Variants in NEB observed in about 807,000 individuals in gnomAD.
NEB encodes the protein nebulin.
In NEB, 512 loss-of-function variants were observed where a neutral mutation model predicts 952.2. The observed-to-expected ratio is 0.54, with a 90% CI of 0.50 to 0.58. The LOEUF (loss-of-function observed/expected upper bound fraction) is 0.58. Among genes scored for constraint, NEB ranks in the 20% least tolerant of loss-of-function variants. NEB has a pLI of 0.00. For synonymous variants in NEB, 2,900 were observed against 3,149.8 expected, an observed-to-expected ratio of 0.92 and a Z score of 2.66; for missense variants, 8,428 against 9,231.1, an observed-to-expected ratio of 0.91 and a Z score of 3.56.
intron 54 of NEB, among the ~76,000 whole-genome samples, chr2:151,646,837 A>G (rs2154124524): frequency 6.6e-6 from 1 of 152,242 alleles, no homozygotes; most frequent in South Asian, 2.1e-4. Flanking sequence ...TTTAGTAGAA[A>G]CAGGGTTTCG....
chr2:151,708,357 G>A (rs1269495373), intron 12 of NEB, among the ~76,000 whole-genome samples: 3 of 152,010 alleles, frequency 2.0e-5, no homozygotes, highest in African/African-American at 7.3e-5. Context: ...TCCTCTCTAA[G>A]CAGACTCCAC....
intron 65 of NEB, among the ~76,000 whole-genome samples, chr2:151,632,775 G>A (rs191941623): frequency 1.5e-4 from 23 of 151,772 alleles, no homozygotes; most frequent in African/African-American, 2.2e-4. Flanking sequence ...AGGTCATATC[G>A]CAGGGTGAGG....
chr2:151,663,960 G>T, intron 44 of NEB, 101 bp from the exon 45 acceptor site: 1 of 1,236,066 alleles, frequency 8.1e-7, no homozygotes, highest in Non-Finnish European at 1.1e-6. Context: ...GGGTTTTAGA[G>T]CTACTCTAAA....
At chr2:151,734,095 CA>C (rs2099815698) in intron 1 of NEB, among the ~76,000 whole-genome samples, 2 of 152,306 alleles carry the variant, frequency 1.3e-5, no homozygotes, top group Middle Eastern at 3.4e-3. Flanking sequence ...GAACGTAGAG[CA>C]GCGTATCTTC....
chr2:151,728,190 A>C (rs1475426413), intron 4 of NEB, among the ~76,000 whole-genome samples: 2 of 152,204 alleles, frequency 1.3e-5, no homozygotes, highest in Non-Finnish European at 2.9e-5. Context: ...ACACTCGAAC[A>C]CTTCAAAGTA....
chr2:151,668,505 T>C (rs1465764742), intron 39 of NEB, among the ~76,000 whole-genome samples: 1 of 152,212 alleles, frequency 6.6e-6, no homozygotes, highest in African/African-American at 2.4e-5. Flanking sequence ...ATCCAAGTTT[T>C]ATTATGTTTT....
Position 151,569,458 on chromosome 2 carries a change from A to G in NEB, c.17431-86T>C, listed in dbSNP as rs1008941235. On this transcript the variant is annotated intron_variant, in intron 109 of 181. Transcript: ENST00000397345. ...TCCATTGGTCTCATGAAGAAATACA[A>G]TGTAAATGCTATATAAGCCAAGGAG... 3.2e-5 allele frequency: 32 copies of G among 1,013,152 alleles called. 1 individual carries two copies. The highest frequency in any genetic ancestry group is 4.7e-5 in the Non-Finnish European group (30 of 636,332). 62.8% of individuals were successfully genotyped at this position (1,013,152 alleles called of 1,614,324 possible).
At chr2:151,560,829 T>G in intron 123 of NEB, 130 bp from the exon 124 acceptor site, 1 of 776,302 alleles carries the variant, frequency 1.3e-6, no homozygotes, top group Non-Finnish European at 2.1e-6. Context: ...CTCTTTAAGG[T>G]GGGGCTTATT....
intron 153 of NEB, among the ~76,000 whole-genome samples, chr2:151,522,344 C>G (rs758907144): frequency 2.6e-5 from 4 of 152,096 alleles, no homozygotes; most frequent in Admixed American, 2.6e-4. Flanking sequence ...AAATACCAAT[C>G]TTCAGTATAT....
Position 151,519,047 on chromosome 2 carries a change from T to A in NEB, c.22613A>T (p.Lys7538Met), listed in dbSNP as rs377497238. 11 of 1,612,830 alleles carry A rather than the reference T, an allele frequency of 6.8e-6. No individual in the cohort carries two copies. The Admixed American group carries it at 1.8e-4, about 27-fold the overall frequency. Reference sequence around the variant, plus strand: ...GTCAGTCACGGGTTTGTGAAGTTTCTTCAGGTCAGCCTTGTATTTAACCTG... The same window carrying A: ...GTCAGTCACGGGTTTGTGAAGTTTCATCAGGTCAGCCTTGTATTTAACCTG... ...ASEVKYKADL[K>M]KLHKPVTDMK... Residue 7538 changes from lysine (K) to methionine (M), a missense_variant, in exon 155 of 182, where the codon AAG (lysine) becomes ATG (methionine). Coordinates refer to ENST00000397345, the MANE Select transcript of NEB (RefSeq NM_001164508.2).
chr2:151,654,997 AT>A (rs1275238252), intron 51 of NEB, among the ~76,000 whole-genome samples: 3 of 151,832 alleles, frequency 2.0e-5, no homozygotes, highest in Non-Finnish European at 4.4e-5. Context: ...GTTTGATGCA[AT>A]TTTTTTTCAA....
intron 124 of NEB, among the ~76,000 whole-genome samples, chr2:151,556,307 C>T (rs1438606439): frequency 1.3e-5 from 2 of 152,154 alleles, no homozygotes; most frequent in African/African-American, 4.8e-5. Context: ...TGCACTGTCT[C>T]TAGTCTAGCA....
intron 79 of NEB, 31 bp from the exon 80 acceptor site, chr2:151,610,654 AAG>A (rs2097914427): frequency 6.3e-7 from 1 of 1,587,324 alleles, no homozygotes; most frequent in Non-Finnish European, 8.7e-7. Context: ...GACAGAAAAT[AAG>A]AGTGTTTGAG....
At position 151,625,550 on chromosome 2, in the gene NEB, T is replaced by C; in HGVS notation, c.10436A>G (p.Lys3479Arg). The C allele has an allele frequency of 6.3e-7, 1 of 1,598,302 alleles. No homozygotes were observed. Among genetic ancestry groups the C allele is most frequent in the Non-Finnish European group, 8.6e-7 (1 of 1,168,368 alleles). ...TPEIMLARQNKINYSESLYRQ... is the reference protein window; with the variant it reads ...TPEIMLARQNRINYSESLYRQ... Reference sequence around the variant, plus strand: ...TGATCTTACCTCACTATAATTTATTTTATTTTGTCTTGCCAACATGATTTC... The same window carrying C: ...TGATCTTACCTCACTATAATTTATTCTATTTTGTCTTGCCAACATGATTTC... The change falls in exon 71 of 182, where the codon AAA (lysine) becomes AGA (arginine). Residue 3479 changes from lysine (K) to arginine (R), a missense_variant. Lys to Arg is a conservative substitution (Grantham distance 26, BLOSUM62 2). This residue lies in a region of NEB where 1,772 missense variants were observed against 1,960.3 expected (regional missense o/e 0.90). Coordinates refer to ENST00000397345, the MANE Select transcript of NEB (RefSeq NM_001164508.2).
intron 20 of NEB, 27 bp downstream of exon 20, chr2:151,694,296 A>G (rs1192195304): frequency 1.3e-6 from 2 of 1,586,880 alleles, no homozygotes; most frequent in Non-Finnish European, 1.7e-6. Context: ...ACGTCTGAAA[A>G]TAGGGGTGAA....
intron 154 of NEB, among the ~76,000 whole-genome samples, chr2:151,519,281 A>T (rs2080309185): frequency 6.6e-6 from 1 of 152,232 alleles, no homozygotes; most frequent in Non-Finnish European, 1.5e-5. Context: ...ATACAATGGA[A>T]TATTATTTAG....
At chr2:151,498,234 T>A in intron 170 of NEB, 26 bp downstream of exon 170, 3 of 1,550,412 alleles carry the variant, frequency 1.9e-6, no homozygotes, top group Non-Finnish European at 2.6e-6. Flanking sequence ...TTAAGTGGCA[T>A]TTTTTCCCCT....
intron 76 of NEB, 124 bp from the exon 77 acceptor site, chr2:151,614,711 T>A: frequency 8.6e-7 from 1 of 1,161,548 alleles, no homozygotes; most frequent in Non-Finnish European, 1.2e-6. Flanking sequence ...AAAGTGAGTA[T>A]CATCAACCCT....
chr2:151,614,583 T>C lies in NEB; in HGVS notation c.11294A>G (p.Lys3765Arg). ...CTGTTTGCGGTAGCCTTCCTTGTACTTGTACTAAAAAAATAGAGATATGAG... is the reference window on the plus strand; with the variant it reads ...CTGTTTGCGGTAGCCTTCCTTGTACCTGTACTAAAAAAATAGAGATATGAG... ...KASRDIASDY[K>R]YKEGYRKQLG... Residue 3765 changes from lysine (K) to arginine (R), a missense_variant, in exon 77 of 182, where the codon AAG becomes AGG. This residue lies in a region of NEB where 1,772 missense variants were observed against 1,960.3 expected (regional missense o/e 0.90). Coordinates refer to ENST00000397345, the MANE Select transcript of NEB (RefSeq NM_001164508.2). 3.7e-6 allele frequency: 6 copies of C among 1,611,642 alleles called. No individual in the cohort carries two copies. The highest frequency in any genetic ancestry group is 5.1e-6 in the Non-Finnish European group (6 of 1,178,230).
Sources: allele counts gnomAD v4.1 joint callset (sites outside exome capture counted in the v4.1 genomes callset), GRCh38; gene constraint gnomAD v4.1.1; regional missense constraint gnomAD v4.1.1; transcripts MANE v1.5; gene names NCBI Gene and HGNC (gene_info 2026-07-23, HGNC 2026-07-21).